The following CNPY2 variants were observed in gnomAD, a reference collection of about 807,000 sequenced individuals.
The protein encoded by CNPY2 is protein canopy homolog 2.
In CNPY2, 19 loss-of-function variants were observed where a neutral mutation model predicts 25.5. The observed-to-expected ratio is 0.74, with a 90% CI of 0.52 to 1.09. CNPY2 has a LOEUF of 1.09. Among genes scored for constraint, CNPY2 ranks in the 50% least tolerant of loss-of-function variants. The probability of loss-of-function intolerance (pLI) is 0.00; values close to 1 mark genes in which losing one functional copy is unlikely to be tolerated. For synonymous variants in CNPY2, 82 were observed against 85.0 expected, an observed-to-expected ratio of 0.96 and a Z score of 0.19; for missense variants, 214 against 233.6, an observed-to-expected ratio of 0.92 and a Z score of 0.55.
chr12:56,311,749 T>A, intron 3 of CNPY2: 1 of 357,370 alleles, frequency 2.8e-6, no homozygotes, highest in South Asian at 2.2e-5. Context: ...ATGGGGTTTC[T>A]CTGTGTTGGT....
Position 56,315,180 on chromosome 12 carries a change from G to T in CNPY2, c.38C>A (p.Ala13Asp). 1.9e-6 allele frequency: 3 copies of T among 1,614,086 alleles called. No individual in the cohort carries two copies. Among genetic ancestry groups the T allele is most frequent in the Non-Finnish European group, 2.5e-6 (3 of 1,180,002 alleles). ...GWGWLALLLGALLGTAWARRS... is the reference protein window; with the variant it reads ...GWGWLALLLGDLLGTAWARRS... Reference sequence around the variant, plus strand: ...CCGAGCCCAGGCGGTTCCCAGCAGGGCCCCCAGAAGCAGGGCCAGCCAACC... The same window carrying T: ...CCGAGCCCAGGCGGTTCCCAGCAGGTCCCCCAGAAGCAGGGCCAGCCAACC... Residue 13 changes from alanine (A) to aspartate (D), a missense_variant, in exon 2 of 6, where the codon GCC (alanine) becomes GAC (aspartate). Coordinates refer to ENST00000273308, the MANE Select transcript of CNPY2 (RefSeq NM_014255.7).
intron 3 of CNPY2, among the ~76,000 whole-genome samples, chr12:56,312,245 T>TTTTTTTTTTTTTTTTTTTTTG (rs1555165124): frequency 1.0e-5 from 1 of 98,584 alleles, no homozygotes; most frequent in African/African-American, 3.3e-5. Flanking sequence ...TTTTTTTTTT[T>TTTTTTTTTTTTTTTTTTTTTG]TTTGAGACAG....
At position 56,311,219 on chromosome 12, in the gene CNPY2, T is replaced by A; in HGVS notation, c.400A>T (p.Lys134Ter). The change falls in exon 4 of 6, where the codon AAG (lysine) becomes TAG (stop). Residue 134 changes from lysine to a stop codon, truncating the protein, a stop_gained. Transcript: ENST00000273308. LOFTEE classifies it high-confidence loss of function. ...RIDSDISGTLKFACESIVEEY... is the reference protein window; with the variant it reads ...RIDSDISGTL The stretch of plus-strand genomic sequence containing the variant: ...CGATTCCCATAGCTCACCGCAAACT[T>A]GAGGGTGCCGCTAATATCTGAGTCG... 1 of 1,614,054 alleles carries A rather than the reference T, an allele frequency of 6.2e-7. No homozygotes were observed. The highest frequency in any genetic ancestry group is 8.5e-7 in the Non-Finnish European group (1 of 1,179,930).
intron 5 of CNPY2, 69 bp from the exon 6 acceptor site, chr12:56,310,664 T>C (rs1873689896): frequency 6.5e-7 from 1 of 1,543,240 alleles, no homozygotes; most frequent in African/African-American, 1.4e-5. Flanking sequence ...TCAAGAAAAT[T>C]TCCCAGACCA....
chr12:56,311,357 G>T lies in CNPY2; in HGVS notation c.262C>A (p.Arg88=). The T allele has an allele frequency of 1.9e-6, 3 of 1,614,136 alleles. No homozygotes were observed. In the South Asian group the frequency reaches 3.3e-5, roughly 18 times the overall value. The change falls in exon 4 of 6, where the codon CGG becomes AGG. Residue 88 remains arginine, a synonymous_variant. Transcript: ENST00000273308. ...ATCTGTTCCCCATACTCCTTCATCCGGTCACATATCTCCTCCAGCAGCTCT... is the reference window on the plus strand; with the variant it reads ...ATCTGTTCCCCATACTCCTTCATCCTGTCACATATCTCCTCCAGCAGCTCT... ...LTELLEEICD[R]MKEYGEQIDP...
chr12:56,315,185 C>T lies in CNPY2; in HGVS notation c.33G>A (p.Leu11=). 4.3e-6 allele frequency: 7 copies of T among 1,614,142 alleles called. No homozygotes were observed. Among genetic ancestry groups the T allele is most frequent in the Non-Finnish European group, 5.9e-6 (7 of 1,179,996 alleles). Residue 11 remains leucine, a synonymous_variant, in exon 2 of 6, where the codon CTG becomes CTA. Transcript: ENST00000273308. The stretch of plus-strand genomic sequence containing the variant: ...CCCAGGCGGTTCCCAGCAGGGCCCC[C>T]AGAAGCAGGGCCAGCCAACCCCAGC... The part of the protein sequence containing the change: MKGWGWLALL[L]GALLGTAWAR...
rs1199461839 is a variant in CNPY2 at position 56,315,130 on chromosome 12, C to G, written c.88G>C (p.Ala30Pro). Reference protein sequence around the residue: ...ARRSQDLHCGACRALVDELEW... With the variant: ...ARRSQDLHCGPCRALVDELEW... The stretch of plus-strand genomic sequence containing the variant: ...CTTCTTTTTCCCGTTGTGCCTTTAC[C>G]TCCACAGTGGAGATCCTGGCTCCTC... The change falls in exon 2 of 6, where the codon GCA becomes CCA. Residue 30 changes from alanine (A) to proline (P), a missense_variant and splice_region_variant. Transcript: ENST00000273308. 6.2e-7 allele frequency: 1 copy of G among 1,613,864 alleles called. No homozygotes were observed. The highest frequency in any genetic ancestry group is 8.5e-7 in the Non-Finnish European group (1 of 1,179,740).
At position 56,314,840 on chromosome 12, in the gene CNPY2, G is replaced by GT; in HGVS notation, c.204+10dup. 1 of 1,614,188 alleles carries GT rather than the reference G, an allele frequency of 6.2e-7. No homozygotes were observed. The highest frequency in any genetic ancestry group is 1.6e-4 in the Middle Eastern group (1 of 6,062). ...GTGAGCTACTTTGTTTGGGGGAACA[G>GT]TAACAGTTACCTCCACCACTGACTG... On this transcript the variant is annotated intron_variant, in intron 3 of 5. Coordinates refer to ENST00000273308, the MANE Select transcript of CNPY2 (RefSeq NM_014255.7).
Position 56,315,111 on chromosome 12 carries a change from T to C in CNPY2, c.88+19A>G. 2 of 1,612,932 alleles carry C rather than the reference T, an allele frequency of 1.2e-6. No homozygotes were observed. Among genetic ancestry groups the C allele is most frequent in the East Asian group, 2.2e-5 (1 of 44,872 alleles). On this transcript the variant is annotated intron_variant, in intron 2 of 5. Coordinates refer to ENST00000273308, the MANE Select transcript of CNPY2 (RefSeq NM_014255.7). Reference sequence around the variant, plus strand: ...CAAGGCTCTGCTTCCTCCACTTCTTTTTCCCGTTGTGCCTTTACCTCCACA... The same window carrying C: ...CAAGGCTCTGCTTCCTCCACTTCTTCTTCCCGTTGTGCCTTTACCTCCACA...
In CNPY2 at chr12:56,310,521, C is replaced by A; in HGVS notation, c.*31G>T. The A allele has an allele frequency of 6.2e-7, 1 of 1,611,678 alleles. No homozygotes were observed. Among genetic ancestry groups the A allele is most frequent in the Non-Finnish European group, 8.5e-7 (1 of 1,177,720 alleles). On this transcript the variant is annotated 3_prime_UTR_variant, in exon 6 of 6. Transcript: ENST00000273308. The stretch of plus-strand genomic sequence containing the variant: ...ACCATTTTCCCCTCCTGGGGGTGAT[C>A]CATCAAGCCAGTGTGGGCTGCTCCA...
At chr12:56,311,458 A>G in intron 3 of CNPY2, 44 bp from the exon 4 acceptor site, 1 of 1,556,494 alleles carries the variant, frequency 6.4e-7, no homozygotes, top group Non-Finnish European at 8.9e-7. Context: ...CTACCTCTGT[A>G]CATTAGTAAT....
chr12:56,311,336 G>C lies in CNPY2; in HGVS notation c.283C>G (p.Gln95Glu), dbSNP rs1873710139. Residue 95 changes from glutamine (Q) to glutamate (E), a missense_variant, in exon 4 of 6, where the codon CAG becomes GAG. Gln to Glu is a conservative substitution (Grantham distance 29). Transcript: ENST00000273308. ...TTGCGATGGGTGGAAGGATCAATCT[G>C]TTCCCCATACTCCTTCATCCGGTCA... ...ICDRMKEYGE[Q>E]IDPSTHRKNY... 6.2e-7 allele frequency: 1 copy of C among 1,614,042 alleles called. No homozygotes were observed. Among genetic ancestry groups the C allele is most frequent in the Non-Finnish European group, 8.5e-7 (1 of 1,180,044 alleles).
In CNPY2 at chr12:56,310,155, T is replaced by A. The variant is rs900032520; in HGVS notation, c.*397A>T. ...TCTAGAATTCTACACTACCATACAC[T>A]ATGTTCCCCTGCTTCCTCATGGAGG... is the stretch of plus-strand genomic sequence containing the variant. On this transcript the variant is annotated 3_prime_UTR_variant, in exon 6 of 6. Coordinates refer to ENST00000273308, the MANE Select transcript of CNPY2 (RefSeq NM_014255.7). The A allele has an allele frequency of 6.6e-6, 4 of 609,190 alleles. No individual in the cohort carries two copies. Among genetic ancestry groups the A allele is most frequent in the African/African-American group, 5.6e-5 (3 of 54,038 alleles). The allele number at this position is 609,190 out of a possible 1,614,324, so 37.7% of individuals were successfully genotyped here.
chr12:56,312,741 T>C (rs971223993), intron 3 of CNPY2: 1 of 151,966 alleles, frequency 6.6e-6, no homozygotes, highest in African/African-American at 2.4e-5. Flanking sequence ...CCAGCTAATT[T>C]TGTATTTTTA....
At position 56,310,953 on chromosome 12, in the gene CNPY2, C is replaced by A; in HGVS notation, c.505+5G>T. On this transcript the variant is annotated splice_donor_5th_base_variant and intron_variant, in intron 5 of 5. Transcript: ENST00000273308. ...AGAACAGGAGATAAAGTGGGGGCAG[C>A]TTACCTGTTCGCTTACTGCAAAGTT... 6.2e-7 allele frequency: 1 copy of A among 1,613,412 alleles called. No individual in the cohort carries two copies.
In CNPY2 at chr12:56,312,125, A is replaced by G. The variant is rs1381002244; in HGVS notation, c.205-711T>C. Among the ~76,000 whole-genome samples the G allele has an allele frequency of 2.0e-5, 3 of 149,282 alleles. No homozygotes were observed. The South Asian group carries it at 6.3e-4, about 31-fold the overall frequency. On this transcript the variant is annotated intron_variant, in intron 3 of 5. Transcript: ENST00000273308. ...GATCTCCTGACCTAGTGATCCGCCC[A>G]CCTTGGCCTCCCCAGGTGCTGGGAT...
intron 3 of CNPY2, among the ~76,000 whole-genome samples, chr12:56,313,942 A>G (rs1873798776): frequency 6.9e-6 from 1 of 145,958 alleles, no homozygotes; most frequent in Non-Finnish European, 1.5e-5. Flanking sequence ...GTTCTTGTCA[A>G]CCAGACTGGA....
chr12:56,311,627 T>C (rs1873719161), intron 3 of CNPY2: 3 of 557,602 alleles, frequency 5.4e-6, no homozygotes, highest in Non-Finnish European at 9.8e-6. Flanking sequence ...TCTCGGCTTA[T>C]TGCAACCTCT....
chr12:56,314,626 C>G, intron 3 of CNPY2: 1 of 1,406,662 alleles, frequency 7.1e-7, no homozygotes, highest in Non-Finnish European at 9.2e-7. Flanking sequence ...ATCAGGACTC[C>G]CTGTTTGCTA....
Sources: gnomAD v4.1 joint callset for allele counts (sites outside exome capture counted in the v4.1 genomes callset) on GRCh38, gnomAD v4.1.1 for gene constraint, MANE v1.5 for transcripts, NCBI Gene and HGNC (gene_info 2026-07-23, HGNC 2026-07-21) for gene names.